The following TMEM131 variants were observed in gnomAD, a reference collection of about 807,000 sequenced individuals.
TMEM131 encodes the protein transmembrane protein 131, also known as 2610524E03Rik.
TMEM131 carries 66 observed loss-of-function variants against 211.6 expected under a neutral mutation model. The ratio of observed to expected loss-of-function variants is 0.31; its 90% confidence interval spans 0.26 to 0.38. The LOEUF (loss-of-function observed/expected upper bound fraction) is 0.38, where lower values mean the gene tolerates loss of function less well. TMEM131 is among the 10% of genes least tolerant of loss of function. TMEM131 has a pLI of 1.00. For missense variants in TMEM131, 2,036 were observed against 2,299.3 expected (o/e 0.89, Z 2.34); for synonymous variants, 844 against 841.3 (o/e 1.00, Z -0.06).
intron 11 of TMEM131, among the ~76,000 whole-genome samples, chr2:97,820,800 G>A (rs2105005463): frequency 6.6e-6 from 1 of 151,804 alleles, no homozygotes; most frequent in South Asian, 2.1e-4. Flanking sequence ...AGGTTGTAGT[G>A]AGCCAAGATT....
intron 17 of TMEM131, among the ~76,000 whole-genome samples, chr2:97,812,036 C>T (rs1446543270): frequency 5.3e-5 from 8 of 152,160 alleles, no homozygotes; most frequent in Non-Finnish European, 7.3e-5. Context: ...TCTGGACAGA[C>T]GTATTATTGC....
intron 1 of TMEM131, among the ~76,000 whole-genome samples, chr2:97,934,029 C>G (rs1677339133): frequency 6.7e-6 from 1 of 150,358 alleles, no homozygotes; most frequent in African/African-American, 2.4e-5. Context: ...GCCACTTTAA[C>G]AAGGCAAGGA....
intron 31 of TMEM131, among the ~76,000 whole-genome samples, chr2:97,783,696 G>C (rs533901542): frequency 5.3e-5 from 8 of 151,550 alleles, no homozygotes; most frequent in Non-Finnish European, 8.8e-5. Flanking sequence ...CAAAAAGGCA[G>C]GAAAAAGAAA....
chr2:97,758,915 C>T lies in TMEM131; in HGVS notation c.5345G>A (p.Gly1782Asp), dbSNP rs566989531. 3.1e-6 allele frequency: 5 copies of T among 1,612,990 alleles called. No homozygotes were observed. In the African/African-American group the frequency reaches 6.7e-5, roughly 21 times the overall value. ...CACTGTGGCTGTGTGGGTCGGGGAG[C>T]CGGAACTGGCTGGCCAGGAAGGACT... ...DPSPSWPASS[G>D]SPTHTATSVL... Residue 1782 changes from glycine (G) to aspartate (D), a missense_variant, in exon 40 of 41, where the codon GGC becomes GAC. Transcript: ENST00000186436.
At chr2:97,816,267 G>T (rs990069273) in intron 12 of TMEM131, among the ~76,000 whole-genome samples, 1 of 152,150 alleles carries the variant, frequency 6.6e-6, no homozygotes, top group Non-Finnish European at 1.5e-5. Context: ...CTTGAGCCTG[G>T]GAGGTGGAGG....
chr2:97,758,294 AG>A (rs1678617001), intron 40 of TMEM131, among the ~76,000 whole-genome samples: 1 of 152,266 alleles, frequency 6.6e-6, no homozygotes, highest in Non-Finnish European at 1.5e-5. Flanking sequence ...GAGAACAAAG[AG>A]GCAAACACAG....
intron 25 of TMEM131, among the ~76,000 whole-genome samples, chr2:97,801,566 T>C (rs1051590679): frequency 6.6e-6 from 1 of 152,364 alleles, no homozygotes; most frequent in East Asian, 1.9e-4. Context: ...GCTCAATATT[T>C]TGATGCTTAA....
At chr2:97,971,645 G>A (rs1180763189) in intron 1 of TMEM131, among the ~76,000 whole-genome samples, 1 of 152,208 alleles carries the variant, frequency 6.6e-6, no homozygotes, top group East Asian at 1.9e-4. Context: ...CATTTTTAAA[G>A]TATAGGTTTG....
chr2:97,990,630 G>A (rs1284312901), intron 1 of TMEM131, among the ~76,000 whole-genome samples: 1 of 152,152 alleles, frequency 6.6e-6, no homozygotes, highest in Non-Finnish European at 1.5e-5. Context: ...TTAGATAAGT[G>A]TATACAACTC....
intron 4 of TMEM131, among the ~76,000 whole-genome samples, chr2:97,868,369 T>C (rs1294888340): frequency 6.6e-6 from 1 of 152,206 alleles, no homozygotes; most frequent in African/African-American, 2.4e-5. Context: ...CACACATATA[T>C]GTAGGTTTTC....
intron 12 of TMEM131, 125 bp downstream of exon 12, chr2:97,818,488 C>A (rs1237086926): frequency 1.1e-5 from 4 of 361,212 alleles, no homozygotes; most frequent in East Asian, 3.7e-5. Flanking sequence ...GGGGATCAAC[C>A]TAAGCAGTAA....
In TMEM131 at chr2:97,779,832, T is replaced by C. The variant is rs191013574; in HGVS notation, c.4145-3814A>G. On this transcript the variant is annotated intron_variant, in intron 31 of 40. Transcript: ENST00000186436. ...GTGTTCCAGACCAGCCTGGGTAAAA[T>C]AGTGAGACTTCATCTCTACAAAAAA... Among the ~76,000 whole-genome samples the C allele has an allele frequency of 1.9e-4, 29 of 152,134 alleles. No homozygotes were observed. In the East Asian group the frequency reaches 3.3e-3, roughly 17 times the overall value.
At chr2:97,897,192 T>C (rs1386181916) in intron 3 of TMEM131, among the ~76,000 whole-genome samples, 1 of 152,162 alleles carries the variant, frequency 6.6e-6, no homozygotes, top group Non-Finnish European at 1.5e-5. Flanking sequence ...TCCTTAGGAC[T>C]TTCTATGCAC....
intron 2 of TMEM131, among the ~76,000 whole-genome samples, chr2:97,923,081 G>A (rs1676813465): frequency 1.3e-5 from 2 of 152,136 alleles, no homozygotes; most frequent in South Asian, 4.2e-4. Flanking sequence ...TTGGGGTCAG[G>A]AGTTCGAGAC....
In TMEM131 at chr2:97,797,621, T is replaced by TA; in HGVS notation, c.2719-106dup. 3.2e-6 allele frequency: 3 copies of TA among 949,988 alleles called. No individual in the cohort carries two copies. The South Asian group carries it at 6.2e-5, about 20-fold the overall frequency. 58.8% of individuals were successfully genotyped at this position (949,988 alleles called of 1,614,324 possible). ...GCCCAGTATAGTTTCTCAAACTGAT[T>TA]AAATGCATAAACAATTTTATCTGTC... On this transcript the variant is annotated intron_variant, in intron 25 of 40. Transcript: ENST00000186436.
rs1382867780 is a variant in TMEM131 at position 97,757,219 on chromosome 2, G to A, written c.5532C>T (p.Ser1844=). ...CCAAGTCGTCAGCTGGACTGGAGGT[G>A]GAGGGAGCGTGAGGAGCAGGGGAGT... ...TENSPAPHAP[S]TSSPADDLGQ... Residue 1844 remains serine (S), a synonymous_variant, in exon 41 of 41, where the codon TCC becomes TCT. Transcript: ENST00000186436. The A allele has an allele frequency of 6.2e-7, 1 of 1,613,900 alleles. No individual in the cohort carries two copies. The highest frequency in any genetic ancestry group is 1.3e-5 in the African/African-American group (1 of 74,924).
intron 17 of TMEM131, 127 bp downstream of exon 17, chr2:97,812,294 T>C: frequency 9.2e-7 from 1 of 1,084,378 alleles, no homozygotes; most frequent in Non-Finnish European, 1.3e-6. Context: ...GTCCTTTTAA[T>C]AGCAAGTAAC....
intron 1 of TMEM131, among the ~76,000 whole-genome samples, chr2:97,976,564 TAAG>T (rs1234488614): frequency 6.6e-6 from 1 of 152,152 alleles, no homozygotes; most frequent in Non-Finnish European, 1.5e-5. Context: ...TAAATACTGT[TAAG>T]AAGTCAGTTC....
chr2:97,973,152 T>G (rs754554217), intron 1 of TMEM131, among the ~76,000 whole-genome samples: 16 of 152,186 alleles, frequency 1.1e-4, no homozygotes, highest in Non-Finnish European at 2.1e-4. Flanking sequence ...TATCTCACAT[T>G]AATTACCAAA....
Sources: gnomAD v4.1 joint callset for allele counts (sites outside exome capture counted in the v4.1 genomes callset) on GRCh38, gnomAD v4.1.1 for gene constraint, MANE v1.5 for transcripts, NCBI Gene and HGNC (gene_info 2026-07-23, HGNC 2026-07-21) for gene names.